The following WDR7 variants were observed in gnomAD, a reference collection of about 807,000 sequenced individuals.
The protein encoded by WDR7 is WD repeat-containing protein 7.
A neutral mutation model predicts 169.4 loss-of-function variants in WDR7; 46 were observed. The observed-to-expected ratio is 0.27, with a 90% CI of 0.21 to 0.35. WDR7 has a LOEUF of 0.35. Among genes scored for constraint, WDR7 ranks in the 10% least tolerant of loss-of-function variants. WDR7 has a pLI of 1.00. For synonymous variants in WDR7, 612 were observed against 666.8 expected (o/e 0.92, Z 1.27); for missense variants, 1,534 against 1,859.3 (o/e 0.83, Z 3.22).
intron 26 of WDR7, among the ~76,000 whole-genome samples, chr18:56,983,556 AAC>A (rs957476086): frequency 4.3e-4 from 38 of 87,994 alleles, no homozygotes; most frequent in African/African-American, 1.7e-3. Flanking sequence ...TATTTCAATA[AAC>A]ACACACACAC....
intron 26 of WDR7, among the ~76,000 whole-genome samples, chr18:56,964,913 C>G (rs1436766978): frequency 6.6e-6 from 1 of 152,156 alleles, no homozygotes; most frequent in Non-Finnish European, 1.5e-5. Flanking sequence ...ACACTGAACT[C>G]TTAAGCTATT....
chr18:56,669,270 T>C (rs761104439), intron 1 of WDR7, among the ~76,000 whole-genome samples: 7 of 152,160 alleles, frequency 4.6e-5, no homozygotes, highest in Non-Finnish European at 7.4e-5. Flanking sequence ...TGAAATTTTA[T>C]CTCTAAGATG....
At chr18:56,796,662 T>C (rs1032495287) in intron 19 of WDR7, among the ~76,000 whole-genome samples, 1 of 152,180 alleles carries the variant, frequency 6.6e-6, no homozygotes. Flanking sequence ...TGCTCAGTAA[T>C]TATGTAATAA....
intron 1 of WDR7, among the ~76,000 whole-genome samples, chr18:56,655,066 A>G (rs939642930): frequency 1.3e-5 from 2 of 152,218 alleles, no homozygotes; most frequent in African/African-American, 4.8e-5. Flanking sequence ...TCCTATATAA[A>G]TAACTCTTCC....
In WDR7 at chr18:56,683,138, G is replaced by A. The variant is rs78093144; in HGVS notation, c.520+285G>A. Among the ~76,000 whole-genome samples the A allele has an allele frequency of 2.8e-3, 420 of 152,164 alleles. 4 individuals carry two copies. In the East Asian group the frequency reaches 0.038, roughly 14 times the overall value. ...TGGAGGAAGAATAGCTTAACCTTTG[G>A]GGGTGTAGTTTTACCTTTGGGAAGA... On this transcript the variant is annotated intron_variant, in intron 5 of 27. Coordinates refer to ENST00000254442, the MANE Select transcript of WDR7 (RefSeq NM_015285.3).
chr18:56,770,609 G>T (rs2044139505), intron 16 of WDR7, among the ~76,000 whole-genome samples: 3 of 152,188 alleles, frequency 2.0e-5, no homozygotes. Flanking sequence ...CAGTGGTGAT[G>T]TACAGGTGAA....
intron 19 of WDR7, among the ~76,000 whole-genome samples, chr18:56,804,942 A>G (rs1295925168): frequency 6.6e-6 from 1 of 152,224 alleles, no homozygotes; most frequent in African/African-American, 2.4e-5. Context: ...AGGCAGCAGA[A>G]GAGAAGTCTG....
chr18:56,946,313 C>T (rs372460555), intron 25 of WDR7, among the ~76,000 whole-genome samples: 3 of 152,142 alleles, frequency 2.0e-5, no homozygotes, highest in African/African-American at 4.8e-5. Context: ...ATGGTGGCCC[C>T]GTTATCGCAG....
chr18:56,792,676 T>G (rs2044511006), intron 19 of WDR7, among the ~76,000 whole-genome samples: 1 of 151,836 alleles, frequency 6.6e-6, no homozygotes, highest in African/African-American at 2.4e-5. Flanking sequence ...GCTGTTCTTT[T>G]GTCTTTTGGG....
intron 14 of WDR7, among the ~76,000 whole-genome samples, chr18:56,738,798 CTTTTTTTTTT>C (rs10547813): frequency 3.1e-4 from 18 of 58,790 alleles, no homozygotes; most frequent in Non-Finnish European, 4.7e-4. Context: ...GCATAAAATC[CTTTTTTTTTT>C]TTTTTTTTTT....
At chr18:56,946,221 C>G (rs554724627) in intron 25 of WDR7, among the ~76,000 whole-genome samples, 1 of 152,182 alleles carries the variant, frequency 6.6e-6, no homozygotes, top group Non-Finnish European at 1.5e-5. Context: ...TGTTCTCCTC[C>G]GGGGTTTCCT....
chr18:56,855,620 C>T (rs1362294374), intron 20 of WDR7, among the ~76,000 whole-genome samples: 1 of 152,054 alleles, frequency 6.6e-6, no homozygotes, highest in Non-Finnish European at 1.5e-5. Context: ...ATATGCATAT[C>T]TGGACCCTGG....
chr18:56,930,323 TGAG>T (rs1225182850), intron 22 of WDR7, among the ~76,000 whole-genome samples: 1 of 152,016 alleles, frequency 6.6e-6, no homozygotes, highest in Non-Finnish European at 1.5e-5. Context: ...ATTTTGGGGG[TGAG>T]GAGTGGAGAC....
chr18:56,961,236 A>G (rs186420800), intron 25 of WDR7, among the ~76,000 whole-genome samples: 1 of 152,134 alleles, frequency 6.6e-6, no homozygotes, highest in African/African-American at 2.4e-5. Context: ...TGTCTCTCTC[A>G]GCCTCTATTA....
chr18:56,780,414 G>A (rs1418884397), intron 18 of WDR7, among the ~76,000 whole-genome samples: 5 of 152,072 alleles, frequency 3.3e-5, no homozygotes, highest in Admixed American at 6.6e-5. Flanking sequence ...CAGAATACTA[G>A]CATTTTCATT....
rs1327698282 is a variant in WDR7, at chr18:56,938,296, T to C, written c.3832-237T>C. Among the ~76,000 whole-genome samples the C allele has an allele frequency of 2.0e-5, 3 of 152,240 alleles. No individual in the cohort carries two copies. In the South Asian group the frequency reaches 6.2e-4, roughly 31 times the overall value. On this transcript the variant is annotated intron_variant, in intron 23 of 27. Coordinates refer to ENST00000254442, the MANE Select transcript of WDR7 (RefSeq NM_015285.3). ...AATATGTTTCTTTTTAAACATGTCATGATAGTGTTGTATTAACGTCTCATA... is the reference window on the plus strand; with the variant it reads ...AATATGTTTCTTTTTAAACATGTCACGATAGTGTTGTATTAACGTCTCATA...
chr18:56,655,502 C>A (rs547204752), intron 1 of WDR7, among the ~76,000 whole-genome samples: 1 of 151,948 alleles, frequency 6.6e-6, no homozygotes, highest in Admixed American at 6.6e-5. Context: ...TGCCTGTAGT[C>A]CCAGCTACTT....
chr18:56,960,791 G>A (rs938895853), intron 25 of WDR7, among the ~76,000 whole-genome samples: 1 of 151,986 alleles, frequency 6.6e-6, no homozygotes, highest in Non-Finnish European at 1.5e-5. Flanking sequence ...ATATTCTTTG[G>A]ACAAGAAAAA....
intron 4 of WDR7, among the ~76,000 whole-genome samples, chr18:56,681,973 C>T (rs190362273): frequency 9.2e-5 from 14 of 152,142 alleles, no homozygotes; most frequent in Non-Finnish European, 1.8e-4. Flanking sequence ...CTTCAGTTTA[C>T]TAATTGTTTA....
Sources: gnomAD v4.1 joint callset for allele counts (sites outside exome capture counted in the v4.1 genomes callset) on GRCh38, gnomAD v4.1.1 for gene constraint, MANE v1.5 for transcripts, NCBI Gene and HGNC (gene_info 2026-07-23, HGNC 2026-07-21) for gene names.